TMEM74: variants seen among roughly 807,000 people sequenced by gnomAD.
TMEM74 encodes transmembrane protein 74.
A neutral mutation model predicts 18.1 loss-of-function variants in TMEM74; 13 were observed. That is an observed-to-expected ratio of 0.72 (90% CI 0.47 to 1.14). TMEM74 has a LOEUF of 1.14. TMEM74 is among the 50% of genes most tolerant of loss of function. The probability of loss-of-function intolerance (pLI) is 0.00; values close to 1 mark genes in which losing one functional copy is unlikely to be tolerated. For missense variants in TMEM74, 372 were observed against 375.9 expected (o/e 0.99, Z 0.09); for synonymous variants, 159 against 146.6 (o/e 1.08, Z -0.61).
chr8:108,649,332 G>C (rs1482479563), intron 2 of TMEM74, among the ~76,000 whole-genome samples: 1 of 152,060 alleles, frequency 6.6e-6, no homozygotes, highest in Non-Finnish European at 1.5e-5. Context: ...CATTCAATAA[G>C]TATTCAATAA....
chr8:108,648,913 G>A lies in TMEM74; in HGVS notation n.264+6380C>T, dbSNP rs562156625. 6.6e-5 allele frequency among the ~76,000 whole-genome samples: 10 copies of A among 152,224 alleles called. No homozygotes were observed. The South Asian group carries it at 1.7e-3, about 25-fold the overall frequency. On this transcript the variant is annotated intron_variant and non_coding_transcript_variant, in intron 2 of 3. Coordinates refer to the TMEM74 transcript ENST00000518838. ...CGGGGTGATTTCTTACACAGGAACC[G>A]CTAAACAATACACTGATCTACAAGT...
chr8:108,610,093 A>G (rs1414686695), intron 2 of TMEM74, among the ~76,000 whole-genome samples: 6 of 152,234 alleles, frequency 3.9e-5, no homozygotes, highest in Admixed American at 3.9e-4. Context: ...TCCCCTACCC[A>G]AAGATTTTGA....
At chr8:108,752,343 T>A (rs1275953494) in intron 1 of TMEM74, among the ~76,000 whole-genome samples, 4 of 152,100 alleles carry the variant, frequency 2.6e-5, no homozygotes, top group Non-Finnish European at 1.5e-5. Context: ...TGAGAGTAAA[T>A]GCATTATTCA....
intron 2 of TMEM74, among the ~76,000 whole-genome samples, chr8:108,654,438 A>G (rs1177892176): frequency 6.6e-6 from 1 of 152,242 alleles, no homozygotes; most frequent in Non-Finnish European, 1.5e-5. Flanking sequence ...TCTTATACAT[A>G]GTAATCACTG....
intron 1 of TMEM74, among the ~76,000 whole-genome samples, chr8:108,732,325 A>G (rs1313242784): frequency 6.6e-6 from 1 of 152,166 alleles, no homozygotes; most frequent in Non-Finnish European, 1.5e-5. Flanking sequence ...TTCTCTCCCC[A>G]TTTATATACG....
chr8:108,663,010 G>A (rs775115810), intron 1 of TMEM74, among the ~76,000 whole-genome samples: 2 of 152,016 alleles, frequency 1.3e-5, no homozygotes, highest in African/African-American at 2.4e-5. Flanking sequence ...TTGGCTATTC[G>A]AGCTCTTTTT....
At chr8:108,639,907 T>A (rs1196850689) in intron 2 of TMEM74, among the ~76,000 whole-genome samples, 3 of 152,116 alleles carry the variant, frequency 2.0e-5, no homozygotes, top group Non-Finnish European at 4.4e-5. Flanking sequence ...TTTGTGGGTA[T>A]GTATGCACTA....
chr8:108,706,993 A>G (rs1016665506), intron 1 of TMEM74, among the ~76,000 whole-genome samples: 1 of 151,812 alleles, frequency 6.6e-6, no homozygotes, highest in Admixed American at 6.6e-5. Flanking sequence ...TGTACCTCAT[A>G]CTCTTTACTT....
intron 2 of TMEM74, among the ~76,000 whole-genome samples, chr8:108,609,997 A>G (rs762721229): frequency 1.3e-5 from 2 of 152,204 alleles, no homozygotes; most frequent in Non-Finnish European, 2.9e-5. Flanking sequence ...CGGGCCAAAA[A>G]TATTTCTGTC....
intron 2 of TMEM74, among the ~76,000 whole-genome samples, chr8:108,649,558 A>G (rs1812752458): frequency 6.6e-6 from 1 of 152,190 alleles, no homozygotes; most frequent in Non-Finnish European, 1.5e-5. Flanking sequence ...AAGGTTAAGT[A>G]TCTTATTAGG....
chr8:108,786,886 G>A (rs984492763), intron 1 of TMEM74, among the ~76,000 whole-genome samples: 1 of 152,082 alleles, frequency 6.6e-6, no homozygotes, highest in South Asian at 2.1e-4. Context: ...CCCTACGGCC[G>A]CCTCTACCTC....
chr8:108,735,106 T>C (rs1586277975), intron 1 of TMEM74, among the ~76,000 whole-genome samples: 1 of 152,318 alleles, frequency 6.6e-6, no homozygotes, highest in East Asian at 1.9e-4. Flanking sequence ...ATCCTAGTTT[T>C]CAAGTTCTGA....
At chr8:108,705,150 C>G (rs542011837) in intron 1 of TMEM74, among the ~76,000 whole-genome samples, 29 of 152,148 alleles carry the variant, frequency 1.9e-4, no homozygotes, top group Admixed American at 5.9e-4. Flanking sequence ...TTGTAAAACC[C>G]TTTTCTTTAC....
chr8:108,756,640 A>AAAGAAAG (rs1586286361), intron 1 of TMEM74, among the ~76,000 whole-genome samples: 15 of 70,482 alleles, frequency 2.1e-4, no homozygotes, highest in African/African-American at 8.7e-4. Flanking sequence ...GGAAGGAAGG[A>AAAGAAAG]AGAAAGAAAG....
At chr8:108,623,541 C>T (rs1326042481) in intron 2 of TMEM74, among the ~76,000 whole-genome samples, 4 of 152,042 alleles carry the variant, frequency 2.6e-5, no homozygotes, top group African/African-American at 9.7e-5. Flanking sequence ...TTAATATTTA[C>T]ACTTGTATAT....
intron 2 of TMEM74, among the ~76,000 whole-genome samples, chr8:108,622,147 A>G (rs1404464804): frequency 6.6e-6 from 1 of 152,152 alleles, no homozygotes; most frequent in East Asian, 1.9e-4. Flanking sequence ...ATAAGTTTTC[A>G]AAACCCGGAA....
intron 1 of TMEM74, among the ~76,000 whole-genome samples, chr8:108,665,417 A>C (rs1270114169): frequency 6.6e-6 from 1 of 152,134 alleles, no homozygotes; most frequent in Non-Finnish European, 1.5e-5. Flanking sequence ...AAAGAGTAGC[A>C]GGAAGCAGAG....
chr8:108,692,072 T>C (rs546497961), intron 1 of TMEM74, among the ~76,000 whole-genome samples: 1 of 152,296 alleles, frequency 6.6e-6, no homozygotes, highest in Non-Finnish European at 1.5e-5. Context: ...GCTGCTCACA[T>C]TCCAGATAAT....
rs377349450 is a variant in TMEM74, at chr8:108,764,615, T to C, written n.119+22861A>G. Among the ~76,000 whole-genome samples the C allele has an allele frequency of 3.7e-4, 56 of 152,264 alleles. No individual in the cohort carries two copies. In the East Asian group the frequency reaches 7.7e-3, roughly 21 times the overall value. On this transcript the variant is annotated intron_variant and non_coding_transcript_variant, in intron 1 of 3. Transcript: ENST00000518838. ...TGAGACAAAAGGCCCTGCCTCTTCCTGCTGCATGCCATTCTAAGAGACAGT... is the reference window on the plus strand; with the variant it reads ...TGAGACAAAAGGCCCTGCCTCTTCCCGCTGCATGCCATTCTAAGAGACAGT...
Sources: gnomAD v4.1 joint callset for allele counts (sites outside exome capture counted in the v4.1 genomes callset) on GRCh38, gnomAD v4.1.1 for gene constraint, MANE v1.5 for transcripts, NCBI Gene and HGNC (gene_info 2026-07-23, HGNC 2026-07-21) for gene names.